Variants in LHPP observed in about 807,000 individuals in gnomAD.
The protein encoded by LHPP is phospholysine phosphohistidine inorganic pyrophosphate phosphatase, also known as hLHPP.
LHPP carries 24 observed loss-of-function variants against 30.3 expected under a neutral mutation model. That is an observed-to-expected ratio of 0.79 (90% CI 0.57 to 1.11). LHPP has a LOEUF of 1.11. Among genes scored for constraint, LHPP ranks in the 50% most tolerant of loss-of-function variants. LHPP has a pLI of 0.00. For synonymous variants in LHPP, 150 were observed against 157.1 expected, an observed-to-expected ratio of 0.95 and a Z score of 0.34; for missense variants, 356 against 367.2, an observed-to-expected ratio of 0.97 and a Z score of 0.25.
At chr10:124,570,490 A>G (rs2133980052) in intron 6 of LHPP, among the ~76,000 whole-genome samples, 1 of 152,346 alleles carries the variant, frequency 6.6e-6, no homozygotes, top group South Asian at 2.1e-4. Context: ...ATGCCATACA[A>G]TTCCTCTTAA....
At chr10:124,486,484 G>C (rs532503580) in intron 2 of LHPP, among the ~76,000 whole-genome samples, 29 of 152,218 alleles carry the variant, frequency 1.9e-4, no homozygotes, top group Non-Finnish European at 3.5e-4. Flanking sequence ...AAAGAATAAA[G>C]ATTAAATTCA....
chr10:124,530,286 C>T (rs916231366), intron 6 of LHPP, among the ~76,000 whole-genome samples: 1 of 152,152 alleles, frequency 6.6e-6, no homozygotes, highest in African/African-American at 2.4e-5. Context: ...CTCCTCCCCA[C>T]GCCACCTGCT....
chr10:124,497,980 G>A (rs1051539812), intron 4 of LHPP, 56 bp from the exon 5 acceptor site: 11 of 1,361,524 alleles, frequency 8.1e-6, no homozygotes, highest in Non-Finnish European at 2.1e-6. Context: ...CCGTGGCTGG[G>A]CATACACCTG....
intron 6 of LHPP, among the ~76,000 whole-genome samples, chr10:124,575,363 C>A (rs569501801): frequency 2.0e-5 from 3 of 152,314 alleles, no homozygotes; most frequent in African/African-American, 7.2e-5. Context: ...GACAGGCACA[C>A]TGGGGCTTAG....
At chr10:124,527,811 T>C (rs540510355) in intron 6 of LHPP, among the ~76,000 whole-genome samples, 2 of 152,198 alleles carry the variant, frequency 1.3e-5, no homozygotes, top group African/African-American at 4.8e-5. Context: ...GATGCGGTCT[T>C]GTTCTGTTTC....
At chr10:124,553,671 G>A (rs1054248018) in intron 6 of LHPP, among the ~76,000 whole-genome samples, 5 of 152,104 alleles carry the variant, frequency 3.3e-5, no homozygotes, top group Non-Finnish European at 7.4e-5. Context: ...GTGTTAGCCA[G>A]GATGGTCTCG....
chr10:124,511,294 T>G (rs1441673936), intron 5 of LHPP, among the ~76,000 whole-genome samples: 1 of 152,232 alleles, frequency 6.6e-6, no homozygotes, highest in Non-Finnish European at 1.5e-5. Context: ...AATAGATTAA[T>G]CTAAAAATAA....
At chr10:124,609,388 G>A (rs991842990) in intron 6 of LHPP, among the ~76,000 whole-genome samples, 1 of 151,926 alleles carries the variant, frequency 6.6e-6, no homozygotes. Flanking sequence ...GACTACAGGC[G>A]CCTGCCACTA....
intron 6 of LHPP, among the ~76,000 whole-genome samples, chr10:124,572,443 C>G (rs886887287): frequency 6.6e-6 from 1 of 152,030 alleles, no homozygotes; most frequent in African/African-American, 2.4e-5. Context: ...CCAGCCTGGC[C>G]AATATGCTGA....
At chr10:124,490,394 G>T in intron 3 of LHPP, 1 of 331,430 alleles carries the variant, frequency 3.0e-6, no homozygotes, top group Non-Finnish European at 6.4e-6. Flanking sequence ...AATGTCTCCA[G>T]GCAAACTCCT....
chr10:124,498,500 C>A (rs1273805642), intron 5 of LHPP: 2 of 1,446,680 alleles, frequency 1.4e-6, no homozygotes, highest in Non-Finnish European at 1.8e-6. Context: ...TAAAGTCACT[C>A]ATTTTGCGAC....
intron 5 of LHPP, among the ~76,000 whole-genome samples, chr10:124,502,670 T>TC (rs1269614999): frequency 8.5e-6 from 1 of 117,124 alleles, no homozygotes; most frequent in Non-Finnish European, 1.7e-5. Context: ...GCCCAGCCTT[T>TC]TTTTTTTTTT....
Position 124,519,651 on chromosome 10 carries a change from C to T in LHPP, c.716+2380C>T, listed in dbSNP as rs563788083. ...TATTATTTTTATGCCTTTGCGTCCT[C>T]ATAACTTAGCTCCCACTTATAAGTG... On this transcript the variant is annotated intron_variant, in intron 6 of 6. Coordinates refer to ENST00000368842, the MANE Select transcript of LHPP (RefSeq NM_022126.4). Among the ~76,000 whole-genome samples, 9 of 152,274 alleles carry T rather than the reference C, an allele frequency of 5.9e-5. No homozygotes were observed. In the South Asian group the frequency reaches 1.9e-3, roughly 32 times the overall value.
At chr10:124,512,477 C>T (rs1251540962) in intron 5 of LHPP, among the ~76,000 whole-genome samples, 1 of 151,824 alleles carries the variant, frequency 6.6e-6, no homozygotes, top group African/African-American at 2.4e-5. Context: ...AACAGCGGGG[C>T]ATGGTGGCAG....
intron 6 of LHPP, among the ~76,000 whole-genome samples, chr10:124,527,011 G>C (rs911658458): frequency 6.6e-6 from 1 of 152,200 alleles, no homozygotes; most frequent in South Asian, 2.1e-4. Context: ...ACATGAACCT[G>C]GGCCACTTGG....
chr10:124,502,760 T>G (rs1233427658), intron 5 of LHPP, among the ~76,000 whole-genome samples: 2 of 129,984 alleles, frequency 1.5e-5, no homozygotes, highest in East Asian at 4.9e-4. Flanking sequence ...TGCAACCTCC[T>G]CCACCTCCTG....
chr10:124,503,258 G>T (rs1176203629), intron 5 of LHPP, among the ~76,000 whole-genome samples: 1 of 151,466 alleles, frequency 6.6e-6, no homozygotes, highest in Non-Finnish European at 1.5e-5. Context: ...TAGAGACGGG[G>T]TTTCTCCATG....
intron 5 of LHPP, among the ~76,000 whole-genome samples, chr10:124,504,283 C>G (rs973114075): frequency 6.6e-6 from 1 of 151,756 alleles, no homozygotes; most frequent in African/African-American, 2.4e-5. Context: ...AAAACAAAAC[C>G]CTGCCACTGC....
At chr10:124,522,727 C>CCA (rs200511066) in intron 6 of LHPP, among the ~76,000 whole-genome samples, 8 of 149,094 alleles carry the variant, frequency 5.4e-5, no homozygotes, top group African/African-American at 1.8e-4. Flanking sequence ...GCCCACGCCC[C>CCA]CCCCCAAGCA....
Sources: gnomAD v4.1 joint callset for allele counts (sites outside exome capture counted in the v4.1 genomes callset) on GRCh38, gnomAD v4.1.1 for gene constraint, MANE v1.5 for transcripts, NCBI Gene and HGNC (gene_info 2026-07-23, HGNC 2026-07-21) for gene names.